The following SLC25A21 variants were observed in gnomAD, a reference collection of about 807,000 sequenced individuals.
SLC25A21 encodes mitochondrial 2-oxodicarboxylate carrier.
A neutral mutation model predicts 43.8 loss-of-function variants in SLC25A21; 47 were observed. The ratio of observed to expected loss-of-function variants is 1.07; its 90% CI spans 0.85 to 1.37. The LOEUF is 1.37. SLC25A21 is among the 40% of genes most tolerant of loss of function. The pLI, the probability that SLC25A21 is intolerant of heterozygous loss-of-function variation, is 0.00. For synonymous variants in SLC25A21, 131 were observed against 121.3 expected (o/e 1.08, Z -0.52); for missense variants, 352 against 350.2 (o/e 1.00, Z -0.04).
intron 3 of SLC25A21, among the ~76,000 whole-genome samples, chr14:36,799,030 G>T (rs1887775502): frequency 6.6e-6 from 1 of 152,004 alleles, no homozygotes; most frequent in Non-Finnish European, 1.5e-5. Context: ...AGAGCTAAAG[G>T]CAAATATATT....
intron 1 of SLC25A21, among the ~76,000 whole-genome samples, chr14:37,045,839 T>A (rs537273912): frequency 1.3e-5 from 2 of 152,226 alleles, no homozygotes; most frequent in African/African-American, 4.8e-5. Flanking sequence ...CTTTTCCTTC[T>A]GGATGATGGA....
At chr14:37,066,239 C>T (rs895612103) in intron 1 of SLC25A21, among the ~76,000 whole-genome samples, 1 of 152,088 alleles carries the variant, frequency 6.6e-6, no homozygotes, top group African/African-American at 2.4e-5. Context: ...ATCACACAAA[C>T]CCCCTATTAG....
intron 1 of SLC25A21, among the ~76,000 whole-genome samples, chr14:36,890,064 C>G (rs1221908637): frequency 3.3e-5 from 5 of 151,984 alleles, no homozygotes; most frequent in Admixed American, 3.3e-4. Flanking sequence ...TTTCTTCTGG[C>G]TTATAATTTC....
At position 37,093,712 on chromosome 14, in the gene SLC25A21, T is replaced by C. The variant is rs527610122; in HGVS notation, c.70+78569A>G. Among the ~76,000 whole-genome samples, 10 of 152,154 alleles carry C rather than the reference T, an allele frequency of 6.6e-5. No homozygotes were observed. In the South Asian group the frequency reaches 1.9e-3, roughly 28 times the overall value. On this transcript the variant is annotated intron_variant, in intron 1 of 9. Coordinates refer to ENST00000331299, the MANE Select transcript of SLC25A21 (RefSeq NM_030631.4). ...GGGAGAGAACTAACATGGAAAAAAG[T>C]GGGGGGAGGATGAAGGAATAAGGGG... is the stretch of plus-strand genomic sequence containing the variant.
At chr14:36,806,554 C>T (rs2138429956) in intron 3 of SLC25A21, among the ~76,000 whole-genome samples, 1 of 152,152 alleles carries the variant, frequency 6.6e-6, no homozygotes, top group Non-Finnish European at 1.5e-5. Context: ...CTAAAGTTAA[C>T]AAACCATTTT....
At chr14:37,016,733 C>G (rs906936256) in intron 1 of SLC25A21, among the ~76,000 whole-genome samples, 1 of 152,084 alleles carries the variant, frequency 6.6e-6, no homozygotes, top group Non-Finnish European at 1.5e-5. Context: ...TCATCTACAT[C>G]GAAAATCTAT....
At position 36,711,356 on chromosome 14, in the gene SLC25A21, A is replaced by G; in HGVS notation, c.565T>C (p.Phe189Leu). The G allele has an allele frequency of 6.2e-7, 1 of 1,614,136 alleles. No homozygotes were observed. The highest frequency in any genetic ancestry group is 8.5e-7 in the Non-Finnish European group (1 of 1,180,014). The change falls in exon 7 of 10, where the codon TTC (phenylalanine) becomes CTC (leucine). Residue 189 changes from phenylalanine (F) to leucine (L), a missense_variant. Coordinates refer to ENST00000331299, the MANE Select transcript of SLC25A21 (RefSeq NM_030631.4). ...ATCATGTTTTTGACATTGTAGTAGA[A>G]GCCAAAATAAACCATGTTGAAAACT... is the stretch of plus-strand genomic sequence containing the variant. ...HGVFNMVYFG[F>L]YYNVKNMIPV...
chr14:36,963,777 G>A (rs865871628), intron 1 of SLC25A21, among the ~76,000 whole-genome samples: 10 of 152,030 alleles, frequency 6.6e-5, no homozygotes, highest in Admixed American at 2.6e-4. Context: ...GTTACCCTGC[G>A]CAACCCAGAG....
In SLC25A21 at chr14:37,130,685, A is replaced by C. The variant is rs930146186; in HGVS notation, c.70+41596T>G. 1.1e-4 allele frequency among the ~76,000 whole-genome samples: 17 copies of C among 152,342 alleles called. No individual in the cohort carries two copies. In the South Asian group the frequency reaches 1.4e-3, roughly 13 times the overall value. The stretch of plus-strand genomic sequence containing the variant: ...CTTTGAGACACACAGGCCCTGAGAC[A>C]GACTTACAGCCAGAGAAGATCTGGT... On this transcript the variant is annotated intron_variant, in intron 1 of 9. Transcript: ENST00000331299.
At chr14:36,875,179 T>C (rs557756789) in intron 1 of SLC25A21, among the ~76,000 whole-genome samples, 175 bp from the exon 2 acceptor site, 1 of 152,356 alleles carries the variant, frequency 6.6e-6, no homozygotes, top group South Asian at 2.1e-4. Context: ...TGATTTTATT[T>C]CAATGGAAGT....
At chr14:37,029,652 A>C (rs527973389) in intron 1 of SLC25A21, among the ~76,000 whole-genome samples, 12 of 152,112 alleles carry the variant, frequency 7.9e-5, no homozygotes, top group Middle Eastern at 6.8e-3. Flanking sequence ...TCTGAAATAC[A>C]GTTGGCCTTT....
At chr14:37,062,882 G>C (rs888868460) in intron 1 of SLC25A21, among the ~76,000 whole-genome samples, 6 of 152,128 alleles carry the variant, frequency 3.9e-5, no homozygotes, top group African/African-American at 1.4e-4. Context: ...TTGAACCCTG[G>C]TGTATTAGTG....
chr14:36,680,970 A>ATTCTT (rs1265963424), intron 9 of SLC25A21, among the ~76,000 whole-genome samples: 5 of 152,206 alleles, frequency 3.3e-5, no homozygotes, highest in Non-Finnish European at 7.4e-5. Flanking sequence ...TTGTCATCAG[A>ATTCTT]TTCTTTTTCA....
chr14:37,138,260 AAAAAC>A (rs1477191319), intron 1 of SLC25A21, among the ~76,000 whole-genome samples: 4 of 152,206 alleles, frequency 2.6e-5, no homozygotes, highest in African/African-American at 9.7e-5. Flanking sequence ...GAAGAAAAAG[AAAAAC>A]AACAAACACT....
chr14:36,699,750 C>T (rs539685038), intron 7 of SLC25A21, among the ~76,000 whole-genome samples: 14 of 152,314 alleles, frequency 9.2e-5, no homozygotes, highest in African/African-American at 2.4e-4. Flanking sequence ...TGGGACCCAC[C>T]GAGCCAGGAA....
At chr14:37,002,346 A>C (rs1014412867) in intron 1 of SLC25A21, among the ~76,000 whole-genome samples, 5 of 152,196 alleles carry the variant, frequency 3.3e-5, no homozygotes, top group Non-Finnish European at 7.3e-5. Flanking sequence ...TATAAGGTAG[A>C]AAGTTTTCAT....
intron 1 of SLC25A21, among the ~76,000 whole-genome samples, chr14:37,044,123 C>T (rs1248590990): frequency 6.6e-6 from 1 of 151,780 alleles, no homozygotes; most frequent in Non-Finnish European, 1.5e-5. Context: ...GTCTTGCTTT[C>T]CATTACATCC....
chr14:36,942,577 T>A (rs1191882751), intron 1 of SLC25A21, among the ~76,000 whole-genome samples: 1 of 152,242 alleles, frequency 6.6e-6, no homozygotes, highest in African/African-American at 2.4e-5. Context: ...ATGTTATGAT[T>A]TTAATTTTAT....
Position 36,690,301 on chromosome 14 carries a change from C to A in SLC25A21, c.604-5376G>T, listed in dbSNP as rs374128851. On this transcript the variant is annotated intron_variant, in intron 7 of 9. Transcript: ENST00000331299. ...ATTATTAATAATATTTATTACCAGGCACAATGTCATGTGCAAAAAGTGTAC... is the reference window on the plus strand; with the variant it reads ...ATTATTAATAATATTTATTACCAGGAACAATGTCATGTGCAAAAAGTGTAC... 5.3e-5 allele frequency among the ~76,000 whole-genome samples: 8 copies of A among 152,148 alleles called. No homozygotes were observed. In the South Asian group the frequency reaches 1.7e-3, roughly 32 times the overall value.
Sources: allele counts gnomAD v4.1 joint callset (sites outside exome capture counted in the v4.1 genomes callset), GRCh38; gene constraint gnomAD v4.1.1; transcripts MANE v1.5; gene names NCBI Gene and HGNC (gene_info 2026-07-23, HGNC 2026-07-21).